The following EMSY variants were observed in gnomAD, a reference collection of about 807,000 sequenced individuals.
EMSY encodes EMSY transcriptional repressor, BRCA2 interacting, also known as BRCA2-interacting transcriptional repressor EMSY.
A neutral mutation model predicts 134.6 loss-of-function variants in EMSY; 26 were observed. The ratio of observed to expected loss-of-function variants is 0.19; its 90% CI spans 0.14 to 0.27. EMSY has a LOEUF of 0.27. EMSY is among the 10% of genes least tolerant of loss of function. EMSY has a pLI of 1.00. For synonymous variants in EMSY, 579 were observed against 577.8 expected (o/e 1.00, Z -0.03); for missense variants, 1,305 against 1,611.4 (o/e 0.81, Z 3.26).
chr11:76,536,480 G>A (rs1168659396), intron 15 of EMSY, among the ~76,000 whole-genome samples: 4 of 152,198 alleles, frequency 2.6e-5, no homozygotes, highest in African/African-American at 7.2e-5. Context: ...CTTGATATTG[G>A]TGGAGCACAA....
intron 9 of EMSY, among the ~76,000 whole-genome samples, chr11:76,499,514 C>T (rs1055203995): frequency 1.3e-5 from 2 of 151,282 alleles, no homozygotes; most frequent in Non-Finnish European, 2.9e-5. Flanking sequence ...GTCTCAATCT[C>T]CTGACCTCGT....
chr11:76,530,917 TTC>T (rs1206684625), intron 14 of EMSY, among the ~76,000 whole-genome samples: 1 of 152,208 alleles, frequency 6.6e-6, no homozygotes, highest in Admixed American at 6.5e-5. Flanking sequence ...AGCCACTTTT[TTC>T]TTTTTAAAGT....
intron 9 of EMSY, among the ~76,000 whole-genome samples, chr11:76,504,056 G>A (rs560533916): frequency 7.9e-5 from 12 of 152,080 alleles, no homozygotes; most frequent in African/African-American, 2.4e-4. Flanking sequence ...AAAGTGCTGG[G>A]ATTACAGGCG....
At chr11:76,500,519 GC>G (rs1949820175) in intron 9 of EMSY, among the ~76,000 whole-genome samples, 1 of 152,302 alleles carries the variant, frequency 6.6e-6, no homozygotes, top group South Asian at 2.1e-4. Flanking sequence ...GCTGGGAAGA[GC>G]CTTCATGAGG....
At position 76,523,011 on chromosome 11, in the gene EMSY, G is replaced by A. The variant is rs922263520; in HGVS notation, c.1685-144G>A. The A allele has an allele frequency of 4.7e-5, 35 of 741,018 alleles. No homozygotes were observed. The African/African-American group carries it at 5.5e-4, about 12-fold the overall frequency. 45.9% of individuals were successfully genotyped at this position (741,018 alleles called of 1,614,324 possible). A position where few individuals can be genotyped will look rare whatever the true frequency, so the allele number is the denominator to read the frequency against. ...TATGACTTATAACTTACTATTCCAAGCCTTCATTTTCATCATCTTGACAGC... is the reference window on the plus strand; with the variant it reads ...TATGACTTATAACTTACTATTCCAAACCTTCATTTTCATCATCTTGACAGC... On this transcript the variant is annotated intron_variant, in intron 11 of 20. Transcript: ENST00000334736.
At chr11:76,529,549 A>G (rs1950960110) in intron 14 of EMSY, among the ~76,000 whole-genome samples, 1 of 152,196 alleles carries the variant, frequency 6.6e-6, no homozygotes, top group South Asian at 2.1e-4. Flanking sequence ...CTCCAGGAGC[A>G]TAAAATCTAG....
At chr11:76,452,066 T>C (rs1565269696) in intron 3 of EMSY, 109 bp downstream of exon 3, 2 of 635,976 alleles carry the variant, frequency 3.1e-6, no homozygotes, top group Non-Finnish European at 2.5e-6. Flanking sequence ...AGAACAGAGG[T>C]GTTCAAATTG....
chr11:76,513,362 A>T (rs2136118306), intron 9 of EMSY, 24 bp from the exon 11 acceptor site: 1 of 1,610,422 alleles, frequency 6.2e-7, no homozygotes, highest in Non-Finnish European at 8.5e-7. Context: ...ATTTGTGCTG[A>T]GATTTATCTT....
At chr11:76,458,437 T>G (rs1947965532) in intron 5 of EMSY, 79 bp downstream of exon 6, 1 of 1,377,566 alleles carries the variant, frequency 7.3e-7, no homozygotes, top group African/African-American at 1.5e-5. Context: ...GTTGTCTTAT[T>G]TTTCATCTAC....
intron 9 of EMSY, among the ~76,000 whole-genome samples, chr11:76,501,078 A>G (rs1253953327): frequency 6.6e-6 from 1 of 152,226 alleles, no homozygotes; most frequent in Non-Finnish European, 1.5e-5. Flanking sequence ...AATACCTAAT[A>G]CAATGTAAAT....
At chr11:76,503,323 AG>A (rs567138572) in intron 9 of EMSY, among the ~76,000 whole-genome samples, 6 of 143,114 alleles carry the variant, frequency 4.2e-5, no homozygotes, top group African/African-American at 1.1e-4. Context: ...AAAAAAAAAA[AG>A]AAGAAGAAGG....
chr11:76,529,524 A>C (rs1205765266), intron 14 of EMSY, among the ~76,000 whole-genome samples: 1 of 152,158 alleles, frequency 6.6e-6, no homozygotes, highest in Non-Finnish European at 1.5e-5. Context: ...AGAAGAGTAC[A>C]ATATAGTTCT....
chr11:76,447,910 GT>G (rs1446501090), intron 2 of EMSY, among the ~76,000 whole-genome samples: 2 of 152,172 alleles, frequency 1.3e-5, no homozygotes, highest in African/African-American at 4.8e-5. Flanking sequence ...AAGATTAAAT[GT>G]TTTGGCAGTG....
chr11:76,446,714 G>A (rs777429934), intron 1 of EMSY, among the ~76,000 whole-genome samples, 186 bp from the exon 2 acceptor site: 2 of 152,224 alleles, frequency 1.3e-5, no homozygotes, highest in Admixed American at 6.5e-5. Context: ...TCTTTCCACT[G>A]TGATAGTTCA....
At chr11:76,488,156 G>C (rs963176966) in intron 8 of EMSY, among the ~76,000 whole-genome samples, 1 of 152,072 alleles carries the variant, frequency 6.6e-6, no homozygotes, top group African/African-American at 2.4e-5. Context: ...CCATTTTTTT[G>C]TGTGTATTTA....
chr11:76,525,916 A>G (rs530674155), intron 12 of EMSY, among the ~76,000 whole-genome samples: 4 of 152,166 alleles, frequency 2.6e-5, no homozygotes, highest in African/African-American at 9.6e-5. Context: ...GCTTGCCCAT[A>G]CTTTTTCATG....
chr11:76,523,870 C>A (rs1180115750), intron 12 of EMSY, among the ~76,000 whole-genome samples: 1 of 151,474 alleles, frequency 6.6e-6, no homozygotes. Context: ...CAAAGCAAGA[C>A]CCCCACCTCT....
intron 7 of EMSY, among the ~76,000 whole-genome samples, chr11:76,465,120 A>G (rs1023363950): frequency 6.6e-6 from 1 of 152,166 alleles, no homozygotes; most frequent in Non-Finnish European, 1.5e-5. Context: ...ATGTCCTTCA[A>G]TTCTGATACA....
intron 5 of EMSY, chr11:76,459,518 A>G (rs1488593783): frequency 6.4e-6 from 1 of 156,742 alleles, no homozygotes; most frequent in Admixed American, 6.3e-5. Context: ...CCTAGTGGCC[A>G]CATTGGAAAT....
Sources: allele counts gnomAD v4.1 joint callset (sites outside exome capture counted in the v4.1 genomes callset), GRCh38; gene constraint gnomAD v4.1.1; transcripts MANE v1.5; gene names NCBI Gene and HGNC (gene_info 2026-07-23, HGNC 2026-07-21).